The following INTS8 variants were observed in gnomAD, a reference collection of about 807,000 sequenced individuals.
The protein encoded by INTS8 is integrator complex subunit 8, also known as protein kaonashi-1.
INTS8 carries 47 observed loss-of-function variants against 138.9 expected under a neutral mutation model. The ratio of observed to expected loss-of-function variants is 0.34; its 90% CI spans 0.27 to 0.43. The LOEUF (loss-of-function observed/expected upper bound fraction) is 0.43, where lower values mean the gene tolerates loss of function less well. Among genes scored for constraint, INTS8 ranks in the 20% least tolerant of loss-of-function variants. The pLI is 1.00. For missense variants in INTS8, 996 were observed against 1,173.0 expected (o/e 0.85, Z 2.20); for synonymous variants, 392 against 400.9 (o/e 0.98, Z 0.27).
At chr8:94,857,113 C>A in intron 15 of INTS8, 135 bp downstream of exon 15, 1 of 677,070 alleles carries the variant, frequency 1.5e-6, no homozygotes, top group Non-Finnish European at 2.4e-6. Context: ...AGCTCTGTCA[C>A]CCAGGCTGGA....
Position 94,881,568 on chromosome 8 carries a change from AGTT to A in INTS8, c.*1335_*1337del, listed in dbSNP as rs1816813709. The A allele has an allele frequency of 6.5e-7, 1 of 1,528,414 alleles. No homozygotes were observed. The highest frequency in any genetic ancestry group is 1.4e-5 in the African/African-American group (1 of 72,126). The allele number at this position is 1,528,414 out of a possible 1,614,324, so 94.7% of individuals were successfully genotyped here. A position where few individuals can be genotyped will look rare whatever the true frequency, so the allele number is the denominator to read the frequency against. On this transcript the variant is annotated 3_prime_UTR_variant, in exon 27 of 27. Transcript: ENST00000523731. Reference sequence around the variant, plus strand: ...GCACTACTTTCTGTAAAACTTTAGTAGTTCAGTGATACCAGTTCTACCCAATCT... The same window carrying A: ...GCACTACTTTCTGTAAAACTTTAGTACAGTGATACCAGTTCTACCCAATCT...
At chr8:94,827,625 C>T in intron 3 of INTS8, 97 bp from the exon 4 acceptor site, 1 of 1,107,320 alleles carries the variant, frequency 9.0e-7, no homozygotes, top group Non-Finnish European at 1.4e-6. Context: ...TCAATTAATG[C>T]TTCATATAAT....
intron 11 of INTS8, 51 bp downstream of exon 11, chr8:94,849,583 T>C (rs910595872): frequency 9.2e-7 from 1 of 1,088,142 alleles, no homozygotes; most frequent in South Asian, 1.4e-5. Flanking sequence ...TTGAACTTAG[T>C]CCTGTGAACA....
At chr8:94,874,083 C>A (rs1316031850) in intron 22 of INTS8, among the ~76,000 whole-genome samples, 1 of 152,142 alleles carries the variant, frequency 6.6e-6, no homozygotes, top group African/African-American at 2.4e-5. Flanking sequence ...CACCTAAAAT[C>A]TACTCTCAGC....
At chr8:94,863,315 A>G (rs1363167187) in intron 16 of INTS8, among the ~76,000 whole-genome samples, 1 of 152,258 alleles carries the variant, frequency 6.6e-6, no homozygotes, top group African/African-American at 2.4e-5. Context: ...CAGCACCAGC[A>G]TGCCCACGCC....
intron 2 of INTS8, among the ~76,000 whole-genome samples, chr8:94,825,800 T>G (rs542317663): frequency 6.6e-6 from 1 of 151,770 alleles, no homozygotes; most frequent in African/African-American, 2.4e-5. Context: ...TGGGAAAAAT[T>G]TAAAAAATAG....
rs1480839497 is a variant in INTS8, at chr8:94,824,978, G to T, written c.216G>T (p.Pro72=). 6.2e-7 allele frequency: 1 copy of T among 1,612,450 alleles called. No homozygotes were observed. Among genetic ancestry groups the T allele is most frequent in the African/African-American group, 1.3e-5 (1 of 74,888 alleles). The part of the protein sequence containing the change: ...SVNEQNQVQP[P]PDNKRNRILK... ...ATGAACAAAACCAAGTTCAACCTCC[G>T]CCTGATAACAAGAGAAATCGTATTT... The change falls in exon 2 of 27, where the codon CCG becomes CCT. Residue 72 remains proline, a synonymous_variant. Transcript: ENST00000523731.
At chr8:94,872,610 C>A (rs562770942) in intron 21 of INTS8, among the ~76,000 whole-genome samples, 19 of 152,284 alleles carry the variant, frequency 1.2e-4, no homozygotes, top group African/African-American at 4.3e-4. Flanking sequence ...ATTCTAAAAT[C>A]TCTGCAGGTA....
At chr8:94,848,609 A>C (rs938877287) in intron 10 of INTS8, among the ~76,000 whole-genome samples, 1 of 152,214 alleles carries the variant, frequency 6.6e-6, no homozygotes, top group Admixed American at 6.6e-5. Context: ...CTGGCTTCTT[A>C]GCACGTTTTC....
In INTS8 at chr8:94,873,470, C is replaced by T. The variant is rs762628439; in HGVS notation, c.2630C>T (p.Thr877Ile). The T allele has an allele frequency of 1.9e-6, 3 of 1,606,224 alleles. No individual in the cohort carries two copies. Among genetic ancestry groups the T allele is most frequent in the Non-Finnish European group, 2.6e-6 (3 of 1,172,776 alleles). Residue 877 changes from threonine to isoleucine, a missense_variant, in exon 22 of 27, where the codon ACA becomes ATA. Thr to Ile is a moderately conservative substitution (Grantham distance 89). Coordinates refer to ENST00000523731, the MANE Select transcript of INTS8 (RefSeq NM_017864.4). ...AAGGCTGTGCCCCCTGATGTTTATA[C>T]AGACCAGGTGAATTGTTTTCGTGGG... ...FNKAVPPDVY[T>I]DQVIKRMIKC...
chr8:94,861,256 ATTTTTTTT>A (rs1210530804), intron 16 of INTS8, among the ~76,000 whole-genome samples: 4 of 57,376 alleles, frequency 7.0e-5, no homozygotes, highest in Admixed American at 2.8e-4. Flanking sequence ...CCTTTTTGTA[ATTTTTTTT>A]TTTTTTTTTT....
intron 5 of INTS8, among the ~76,000 whole-genome samples, chr8:94,829,808 G>A (rs1814645390): frequency 6.6e-6 from 1 of 152,164 alleles, no homozygotes; most frequent in Non-Finnish European, 1.5e-5. Flanking sequence ...GATTTTACAG[G>A]TGACGTCTTT....
intron 12 of INTS8, among the ~76,000 whole-genome samples, chr8:94,850,384 G>A (rs1007447008): frequency 4.6e-5 from 7 of 152,146 alleles, no homozygotes; most frequent in African/African-American, 9.7e-5. Context: ...AGGCCAAGAC[G>A]GGCGGATCAC....
chr8:94,867,493 TCCTGTAAA>T lies in INTS8; in HGVS notation c.2414+157_2414+164del, dbSNP rs1347729438. On this transcript the variant is annotated intron_variant, in intron 20 of 26. Coordinates refer to ENST00000523731, the MANE Select transcript of INTS8 (RefSeq NM_017864.4). Reference sequence around the variant, plus strand: ...TCTATTATGATAATGATAATTATCTTCCTGTAAATTGTGGATAAGGCATAACCCTTTTT... The same window carrying T: ...TCTATTATGATAATGATAATTATCTTTTGTGGATAAGGCATAACCCTTTTT... The T allele has an allele frequency of 1.3e-5, 8 of 592,830 alleles. No homozygotes were observed. The African/African-American group carries it at 1.5e-4, about 11-fold the overall frequency. The allele number at this position is 592,830 out of a possible 1,614,324, so 36.7% of individuals were successfully genotyped here. A position where few individuals can be genotyped will look rare whatever the true frequency, so the allele number is the denominator to read the frequency against.
At position 94,851,675 on chromosome 8, in the gene INTS8, G is replaced by A. The variant is rs188166943; in HGVS notation, c.1630G>A (p.Val544Met). 8 of 1,591,662 alleles carry A rather than the reference G, an allele frequency of 5.0e-6. No individual in the cohort carries two copies. The change falls in exon 13 of 27, where the codon GTG (valine) becomes ATG (methionine). Residue 544 changes from valine to methionine, a missense_variant. Val to Met is a conservative substitution (Grantham distance 21, BLOSUM62 1). Transcript: ENST00000523731. ...GACTTCAGAGCGCCAGTTCTGGACA[G>A]TGTCTAATAAGGTAAACCCTATGTC... ...GMTSERQFWT[V>M]SNKWEVPSVY... is the part of the protein sequence containing the mutation.
chr8:94,823,706 T>G (rs1423009017), intron 1 of INTS8, 145 bp downstream of exon 1: 1 of 647,358 alleles, frequency 1.5e-6, no homozygotes, highest in Admixed American at 3.4e-5. Flanking sequence ...GGCTCCTCGC[T>G]TCCCTTAAAC....
intron 13 of INTS8, 117 bp downstream of exon 13, chr8:94,851,803 G>T: frequency 1.4e-6 from 1 of 733,172 alleles, no homozygotes; most frequent in South Asian, 2.1e-5. Context: ...ACAGTTTTAA[G>T]ACCTTCATAT....
intron 25 of INTS8, 52 bp from the exon 26 acceptor site, chr8:94,876,392 TTC>T (rs1204119180): frequency 9.3e-6 from 13 of 1,398,620 alleles, no homozygotes; most frequent in African/African-American, 2.9e-5. Context: ...TGAGTTGAGA[TTC>T]TCTCATTATA....
At chr8:94,824,073 T>C (rs1382333264) in intron 1 of INTS8, among the ~76,000 whole-genome samples, 2 of 152,238 alleles carry the variant, frequency 1.3e-5, no homozygotes, top group African/African-American at 4.8e-5. Context: ...AGAAAATCTT[T>C]GAAAGTAGGA....
Sources: allele counts gnomAD v4.1 joint callset (sites outside exome capture counted in the v4.1 genomes callset), GRCh38; gene constraint gnomAD v4.1.1; transcripts MANE v1.5; gene names NCBI Gene and HGNC (gene_info 2026-07-23, HGNC 2026-07-21).